NAV2: variants seen among roughly 807,000 people sequenced by gnomAD.
NAV2 encodes helicase, APC down-regulated 1.
In NAV2, 54 loss-of-function variants were observed where a neutral mutation model predicts 223.2. That is an observed-to-expected ratio of 0.24 (90% CI 0.19 to 0.30). The LOEUF is 0.30. Among genes scored for constraint, NAV2 ranks in the 10% least tolerant of loss-of-function variants. The pLI is 1.00. For synonymous variants in NAV2, 1,279 were observed against 1,239.3 expected (o/e 1.03, Z -0.67); for missense variants, 2,806 against 3,147.5 (o/e 0.89, Z 2.60).
At chr11:19,930,362 T>C (rs2153248921) in intron 6 of NAV2, among the ~76,000 whole-genome samples, 1 of 152,242 alleles carries the variant, frequency 6.6e-6, no homozygotes. Flanking sequence ...TGAGCAAGCC[T>C]CAGAGTAGTT....
intron 1 of NAV2, among the ~76,000 whole-genome samples, chr11:19,566,642 G>T (rs1466300684): frequency 6.6e-6 from 1 of 152,144 alleles, no homozygotes; most frequent in Non-Finnish European, 1.5e-5. Flanking sequence ...CAGAACTGCC[G>T]GTTATGTAGG....
chr11:19,678,726 T>C (rs973415646), intron 1 of NAV2, among the ~76,000 whole-genome samples: 4 of 152,218 alleles, frequency 2.6e-5, no homozygotes, highest in Non-Finnish European at 5.9e-5. Flanking sequence ...TCTTCCGAGA[T>C]ACCACATAGC....
chr11:20,057,071 C>T (rs768366501), intron 19 of NAV2, among the ~76,000 whole-genome samples: 3 of 152,140 alleles, frequency 2.0e-5, no homozygotes, highest in African/African-American at 4.8e-5. Context: ...GAGGACTATA[C>T]ATCTGGTTGT....
upstream of NAV2, among the ~76,000 whole-genome samples, chr11:19,349,505 A>G (rs1853176436): frequency 6.6e-6 from 1 of 152,172 alleles, no homozygotes; most frequent in African/African-American, 2.4e-5. Context: ...GTTTCTGTCT[A>G]GTACCCGCTG....
At position 19,634,598 on chromosome 11, in the gene NAV2, T is replaced by C. The variant is rs536730913; in HGVS notation, c.76-197886T>C. Among the ~76,000 whole-genome samples the C allele has an allele frequency of 2.6e-5, 4 of 152,350 alleles. No individual in the cohort carries two copies. The East Asian group carries it at 5.8e-4, about 22-fold the overall frequency. The stretch of plus-strand genomic sequence containing the variant: ...TCATTCGTTCCTTCAAAAAAACATT[T>C]ACTCAACTGCTACTCTTGGAAGGGA... On this transcript the variant is annotated intron_variant, in intron 1 of 37. Coordinates refer to the NAV2 transcript ENST00000360655.
At chr11:19,834,738 A>C (rs958671580) in intron 2 of NAV2, among the ~76,000 whole-genome samples, 2 of 152,164 alleles carry the variant, frequency 1.3e-5, no homozygotes, top group African/African-American at 4.8e-5. Flanking sequence ...AAGAGAGGGA[A>C]TATAAAAAGG....
At chr11:19,436,770 A>T (rs1304752617) in intron 1 of NAV2, among the ~76,000 whole-genome samples, 1 of 143,868 alleles carries the variant, frequency 7.0e-6, no homozygotes, top group East Asian at 1.9e-4. Flanking sequence ...TCAATTTTTT[A>T]TCAATATTTT....
intron 1 of NAV2, among the ~76,000 whole-genome samples, chr11:19,558,769 G>A (rs372352777): frequency 1.2e-4 from 19 of 152,138 alleles, no homozygotes; most frequent in South Asian, 2.1e-4. Flanking sequence ...CTGGGGGCTC[G>A]GATGTTTTCT....
chr11:19,725,103 T>G (rs952027326), intron 1 of NAV2, among the ~76,000 whole-genome samples: 2 of 152,234 alleles, frequency 1.3e-5, no homozygotes, highest in Non-Finnish European at 2.9e-5. Context: ...TGCTTGATAT[T>G]CTCAGCATTT....
chr11:19,856,298 T>C (rs927413457), intron 3 of NAV2, among the ~76,000 whole-genome samples: 9 of 152,254 alleles, frequency 5.9e-5, no homozygotes, highest in Non-Finnish European at 1.2e-4. Flanking sequence ...ATTGTGGCTA[T>C]GGCAGCAGGC....
chr11:19,429,597 A>G (rs780940670), intron 1 of NAV2, among the ~76,000 whole-genome samples: 3 of 152,190 alleles, frequency 2.0e-5, no homozygotes, highest in African/African-American at 4.8e-5. Context: ...TTAAGGTTGC[A>G]GGGAGGGGCC....
chr11:20,061,269 A>G (rs2058681174), intron 19 of NAV2, among the ~76,000 whole-genome samples: 1 of 152,146 alleles, frequency 6.6e-6, no homozygotes, highest in South Asian at 2.1e-4. Context: ...CAAAATTAGA[A>G]CAAATAATAA....
intron 1 of NAV2, among the ~76,000 whole-genome samples, chr11:19,367,157 T>C (rs1848315076): frequency 6.6e-6 from 1 of 152,220 alleles, no homozygotes; most frequent in African/African-American, 2.4e-5. Context: ...TCACAGCCTC[T>C]GAGCATTTGA....
At chr11:19,740,605 A>T (rs1012312100) in intron 1 of NAV2, among the ~76,000 whole-genome samples, 3 of 152,354 alleles carry the variant, frequency 2.0e-5, no homozygotes, top group African/African-American at 7.2e-5. Context: ...CACAGGAGAC[A>T]TATTCAGGCA....
chr11:20,078,910 G>A lies in NAV2; in HGVS notation c.5179+806G>A, dbSNP rs972938605. Among the ~76,000 whole-genome samples the A allele has an allele frequency of 2.6e-5, 4 of 152,166 alleles. No homozygotes were observed. The South Asian group carries it at 6.2e-4, about 24-fold the overall frequency. On this transcript the variant is annotated intron_variant, in intron 24 of 37. Coordinates refer to ENST00000349880, the MANE Select transcript of NAV2 (RefSeq NM_145117.5). ...CTAGGATTTATGGAATACTTACTAC[G>A]TTCTAAGGGCAGTGCTAAGTGTTTC...
At position 20,045,250 on chromosome 11, in the gene NAV2, G is replaced by A. The variant is rs752367379; in HGVS notation, c.3482G>A (p.Arg1161Gln). The change falls in exon 14 of 38, where the codon CGG becomes CAG. Residue 1161 changes from arginine to glutamine, a missense_variant. Arg to Gln is a conservative substitution (Grantham distance 43, BLOSUM62 1). Transcript: ENST00000349880. Reference protein sequence around the residue: ...KIPKSSALVSRSAGRKSSMDG... With the variant: ...KIPKSSALVSQSAGRKSSMDG... ...CCAAAGTCATCTGCACTCGTCAGTCGGTCTGCTGGTCGGAAGTCAAGTATG... is the reference window on the plus strand; with the variant it reads ...CCAAAGTCATCTGCACTCGTCAGTCAGTCTGCTGGTCGGAAGTCAAGTATG... The A allele has an allele frequency of 1.2e-5, 20 of 1,614,046 alleles. No homozygotes were observed. Among genetic ancestry groups the A allele is most frequent in the East Asian group, 8.9e-5 (4 of 44,880 alleles).
chr11:19,678,129 A>T (rs1233314004), intron 1 of NAV2, among the ~76,000 whole-genome samples: 1 of 152,172 alleles, frequency 6.6e-6, no homozygotes, highest in African/African-American at 2.4e-5. Flanking sequence ...TTCAGAGGGG[A>T]GTTGAGTCCC....
At chr11:19,999,662 C>T (rs558236812) in intron 11 of NAV2, among the ~76,000 whole-genome samples, 1 of 152,148 alleles carries the variant, frequency 6.6e-6, no homozygotes, top group Non-Finnish European at 1.5e-5. Flanking sequence ...TGAGTCACCG[C>T]ACTGGGCCAG....
At chr11:20,103,585 T>G in intron 33 of NAV2, 68 bp from the exon 34 acceptor site, 1 of 1,556,406 alleles carries the variant, frequency 6.4e-7, no homozygotes. Context: ...GCCATGGGCC[T>G]CTGTGACCAC....
Sources: gnomAD v4.1 joint callset for allele counts (sites outside exome capture counted in the v4.1 genomes callset) on GRCh38, gnomAD v4.1.1 for gene constraint, MANE v1.5 for transcripts, NCBI Gene and HGNC (gene_info 2026-07-23, HGNC 2026-07-21) for gene names.